Variants in JADE2 observed in about 807,000 individuals in gnomAD.
JADE2 encodes the protein jade family PHD finger 2.
JADE2 carries 13 observed loss-of-function variants against 85.7 expected under a neutral mutation model. The ratio of observed to expected loss-of-function variants is 0.15; its 90% CI spans 0.10 to 0.24. The LOEUF (loss-of-function observed/expected upper bound fraction) is 0.24. Among genes scored for constraint, JADE2 ranks in the 10% least tolerant of loss-of-function variants. JADE2 has a pLI of 1.00. For missense variants in JADE2, 846 were observed against 1,115.9 expected (o/e 0.76, Z 3.45); for synonymous variants, 440 against 456.1 (o/e 0.96, Z 0.45).
At chr5:134,525,480 G>A (rs1304218721), upstream of JADE2, among the ~76,000 whole-genome samples, 2 of 151,942 alleles carry the variant, frequency 1.3e-5, no homozygotes, top group East Asian at 3.9e-4. Flanking sequence ...ACTCCCCGCC[G>A]GAGCCAAACA....
chr5:134,570,919 A>C lies in JADE2; in HGVS notation c.1435-2726A>C, dbSNP rs329319. On this transcript the variant is annotated intron_variant, in intron 9 of 11. Coordinates refer to ENST00000681547, the MANE Select transcript of JADE2 (RefSeq NM_001388185.1). ...CCACACCAAGTCCCTTTTAAAGGCC[A>C]CCGGCATCTCATGCCCAGCATCCCT... Among the ~76,000 whole-genome samples the C allele has an allele frequency of 2.0e-5, 3 of 152,040 alleles. No homozygotes were observed. In the East Asian group the frequency reaches 5.8e-4, roughly 29 times the overall value.
intron 9 of JADE2, among the ~76,000 whole-genome samples, chr5:134,571,709 A>G (rs1032230641): frequency 1.3e-5 from 2 of 152,140 alleles, no homozygotes; most frequent in Non-Finnish European, 1.5e-5. Context: ...AAGAAAAAAA[A>G]GAAAATCCAA....
At chr5:134,552,960 A>T (rs1173249703) in intron 4 of JADE2, among the ~76,000 whole-genome samples, 3 of 141,804 alleles carry the variant, frequency 2.1e-5, no homozygotes, top group Non-Finnish European at 3.0e-5. Context: ...GATTGCAGGT[A>T]GCCAGCCGTA....
intron 10 of JADE2, chr5:134,575,727 A>T (rs1379846923): frequency 6.6e-6 from 1 of 150,490 alleles, no homozygotes; most frequent in Non-Finnish European, 1.5e-5. Flanking sequence ...GTCTCTACAA[A>T]AAAAAAAAAA....
intron 3 of JADE2, among the ~76,000 whole-genome samples, chr5:134,540,311 C>G (rs537709946): frequency 6.6e-6 from 1 of 151,852 alleles, no homozygotes; most frequent in African/African-American, 2.4e-5. Context: ...CTCAAACTTT[C>G]AGGCTCAAGT....
chr5:134,546,171 TTTGTTTGTTTG>T, intron 3 of JADE2, among the ~76,000 whole-genome samples: 2 of 152,078 alleles, frequency 1.3e-5, no homozygotes, highest in Non-Finnish European at 2.9e-5. Flanking sequence ...TGTTTGTTTG[TTTGTTTGTTTG>T]TTTTGAGACA....
At chr5:134,525,297 A>T (rs1323781097), upstream of JADE2, among the ~76,000 whole-genome samples, 1 of 151,790 alleles carries the variant, frequency 6.6e-6, no homozygotes, top group Non-Finnish European at 1.5e-5. Flanking sequence ...GTGTGAGCAG[A>T]CCTGATGGGA....
At chr5:134,567,688 G>A (rs329316) in intron 9 of JADE2, among the ~76,000 whole-genome samples, 139,321 of 152,192 alleles carry the variant, frequency 0.92, 64,164 homozygotes, top group Non-Finnish European at 0.97. Context: ...AACATCTCCA[G>A]GGGTGTTGTA....
chr5:134,568,327 G>A (rs914479511), intron 9 of JADE2, among the ~76,000 whole-genome samples: 6 of 152,338 alleles, frequency 3.9e-5, no homozygotes, highest in South Asian at 2.1e-4. Flanking sequence ...GACCTCAGTC[G>A]GGGGCAGAAA....
Position 134,538,093 on chromosome 5 carries a change from G to T in JADE2, c.153+10G>T. ...AAAGAAGCCCTCCGAGGTGGGTAGTGATGAGCTTCCCAGAGATCTGTGGGG... is the reference window on the plus strand; with the variant it reads ...AAAGAAGCCCTCCGAGGTGGGTAGTTATGAGCTTCCCAGAGATCTGTGGGG... On this transcript the variant is annotated intron_variant, in intron 3 of 11. Transcript: ENST00000681547. 1 of 1,599,818 alleles carries T rather than the reference G, an allele frequency of 6.3e-7. No individual in the cohort carries two copies. The highest frequency in any genetic ancestry group is 1.1e-5 in the South Asian group (1 of 90,818).
chr5:134,551,542 T>A (rs529505294), intron 3 of JADE2, among the ~76,000 whole-genome samples: 43 of 151,710 alleles, frequency 2.8e-4, no homozygotes, highest in African/African-American at 1.0e-3. Context: ...TTTTTTTTTT[T>A]TAATTTTTTA....
intron 9 of JADE2, among the ~76,000 whole-genome samples, chr5:134,570,990 AT>A (rs1431773806): frequency 4.6e-5 from 7 of 152,214 alleles, no homozygotes; most frequent in African/African-American, 1.7e-4. Flanking sequence ...GGATGGTGAG[AT>A]TTATCCTCAT....
upstream of JADE2, among the ~76,000 whole-genome samples, chr5:134,525,449 G>T (rs374581889): frequency 6.6e-6 from 1 of 151,760 alleles, no homozygotes; most frequent in African/African-American, 2.4e-5. Flanking sequence ...CTTCCCCCAC[G>T]GGGCCCGCAA....
intron 4 of JADE2, among the ~76,000 whole-genome samples, chr5:134,556,108 C>T (rs1762897132): frequency 6.6e-6 from 1 of 152,204 alleles, no homozygotes; most frequent in Non-Finnish European, 1.5e-5. Context: ...GTCTCTGTGC[C>T]ATCTAAAGCC....
chr5:134,554,906 A>G (rs1398027012), intron 4 of JADE2, among the ~76,000 whole-genome samples: 1 of 152,192 alleles, frequency 6.6e-6, no homozygotes, highest in Non-Finnish European at 1.5e-5. Context: ...TTCATTTAAC[A>G]ATCATATTAG....
At position 134,560,731 on chromosome 5, in the gene JADE2, C is replaced by A; in HGVS notation, c.473-15C>A. 1 of 1,609,210 alleles carries A rather than the reference C, an allele frequency of 6.2e-7. No individual in the cohort carries two copies. On this transcript the variant is annotated splice_polypyrimidine_tract_variant and intron_variant, in intron 5 of 11. Coordinates refer to ENST00000681547, the MANE Select transcript of JADE2 (RefSeq NM_001388185.1). ...GGGCTCCTAACACCACCATGCCCTG[C>A]TGTCCTCCTCACAGAGAGGCCGGAG...
rs971217936 is a variant in JADE2, at chr5:134,526,443, C to T, written c.-1+432C>T. 3.8e-5 allele frequency: 37 copies of T among 985,000 alleles called. No homozygotes were observed. In the African/African-American group the frequency reaches 5.4e-4, roughly 14 times the overall value. The allele number at this position is 985,000 out of a possible 1,614,324, so 61.0% of individuals were successfully genotyped here. A position where few individuals can be genotyped will look rare whatever the true frequency, so the allele number is the denominator to read the frequency against. On this transcript the variant is annotated intron_variant, in intron 1 of 11. Transcript: ENST00000681547. Reference sequence around the variant, plus strand: ...CGGGAGATGGGTACGGTGGGGAGGTCGAGCGGCCCGGGCGGGGGCTCCGAG... The same window carrying T: ...CGGGAGATGGGTACGGTGGGGAGGTTGAGCGGCCCGGGCGGGGGCTCCGAG...
At chr5:134,539,861 C>T (rs1374204461) in intron 3 of JADE2, among the ~76,000 whole-genome samples, 3 of 152,236 alleles carry the variant, frequency 2.0e-5, no homozygotes, top group African/African-American at 7.2e-5. Context: ...AAGGACTCCG[C>T]CTTGCCTCCT....
upstream of JADE2, chr5:134,525,621 T>TA: frequency 5.2e-6 from 1 of 191,986 alleles, no homozygotes; most frequent in East Asian, 3.1e-4. Flanking sequence ...CCCCAACACA[T>TA]TTTTTTTTTC....
Sources: allele counts gnomAD v4.1 joint callset (sites outside exome capture counted in the v4.1 genomes callset), GRCh38; gene constraint gnomAD v4.1.1; transcripts MANE v1.5; gene names NCBI Gene and HGNC (gene_info 2026-07-23, HGNC 2026-07-21).